The following MLXIP variants were observed in gnomAD, a reference collection of about 807,000 sequenced individuals.
MLXIP encodes MLX interacting protein, also known as MLX-interacting protein.
Under a neutral mutation model 87.2 loss-of-function variants are expected in MLXIP, and 30 were observed. The ratio of observed to expected loss-of-function variants is 0.34; its 90% confidence interval spans 0.26 to 0.47. MLXIP has a LOEUF of 0.47. Among genes scored for constraint, MLXIP ranks in the 20% least tolerant of loss-of-function variants. The pLI is 1.00. For synonymous variants in MLXIP, 530 were observed against 514.0 expected (o/e 1.03, Z -0.42); for missense variants, 1,002 against 1,240.1 (o/e 0.81, Z 2.88).
chr12:122,130,039 G>A lies in MLXIP; in HGVS notation c.837G>A (p.Ser279=), dbSNP rs766906413. The A allele has an allele frequency of 8.1e-6, 13 of 1,613,960 alleles. No individual in the cohort carries two copies. The highest frequency in any genetic ancestry group is 1.6e-4 in the Middle Eastern group (1 of 6,062). ...DPLLDTDMLM[S]EFSDTLFSTL... ...TGCTGGACACAGACATGCTCATGTC[G>A]GAATTCAGCGACACCCTCTTCTCCA... Residue 279 remains serine (S), a synonymous_variant, in exon 6 of 17, where the codon TCG becomes TCA. Transcript: ENST00000319080.
At position 122,137,434 on chromosome 12, in the gene MLXIP, G is replaced by T; in HGVS notation, c.2033-35G>T. The T allele has an allele frequency of 6.3e-7, 1 of 1,596,776 alleles. No individual in the cohort carries two copies. Among genetic ancestry groups the T allele is most frequent in the Non-Finnish European group, 8.5e-7 (1 of 1,171,174 alleles). On this transcript the variant is annotated intron_variant, in intron 11 of 16. Coordinates refer to ENST00000319080, the MANE Select transcript of MLXIP (RefSeq NM_014938.6). This position sits in a 1 kb window ranked among gnomAD's most constrained non-coding sequence, Gnocchi z 4.1. ...GCCTCCTGGTGGCGTTGAGGGGCCAGGCCTCCGCCCCTCAGAGGAGTCTGT... is the reference window on the plus strand; with the variant it reads ...GCCTCCTGGTGGCGTTGAGGGGCCATGCCTCCGCCCCTCAGAGGAGTCTGT...
At position 122,078,940 on chromosome 12, in the gene MLXIP, C is replaced by A; in HGVS notation, c.87C>A (p.Asp29Glu). The change falls in exon 1 of 17, where the codon GAC becomes GAA. Residue 29 changes from aspartate (D) to glutamate (E), a missense_variant. Asp to Glu is a conservative substitution (Grantham distance 45, BLOSUM62 2). Around this residue, in one of 3 missense-constraint regions of MLXIP, gnomAD observed 129 missense variants for 104.2 expected, o/e 1.24. Transcript: ENST00000319080. ...TGCTCAAGCCCCAGGTGTCCGAGGA[C>A]GACGACGACTCGGACACGGATGAGC... ...QVLLKPQVSE[D>E]DDDSDTDEPS... 8.9e-7 allele frequency: 1 copy of A among 1,120,876 alleles called. No individual in the cohort carries two copies. Among genetic ancestry groups the A allele is most frequent in the South Asian group, 2.7e-5 (1 of 36,840 alleles). The allele number at this position is 1,120,876 out of a possible 1,614,324, so 69.4% of individuals were successfully genotyped here.
At chr12:122,093,629 GT>G (rs1952286713) in intron 1 of MLXIP, among the ~76,000 whole-genome samples, 1 of 144,284 alleles carries the variant, frequency 6.9e-6, no homozygotes, top group Non-Finnish European at 1.5e-5. Context: ...TGGTGTGTGT[GT>G]TGGTGTGTGG....
intron 1 of MLXIP, among the ~76,000 whole-genome samples, chr12:122,084,577 G>A (rs1203463570): frequency 3.3e-5 from 5 of 151,954 alleles, no homozygotes; most frequent in African/African-American, 4.8e-5. Flanking sequence ...ACGGAGTTTC[G>A]CTCTTGTCAC....
chr12:122,131,466 T>A (rs1027593121), intron 7 of MLXIP, among the ~76,000 whole-genome samples: 5 of 147,610 alleles, frequency 3.4e-5, no homozygotes, highest in East Asian at 2.0e-4. Flanking sequence ...TTTTTTTTTT[T>A]AGAGACAGGG....
In MLXIP at chr12:122,136,432, G is replaced by A. The variant is rs960077717; in HGVS notation, c.2032+766G>A. ...GTTCGAGACCAGCCCAGCCAACATGGTGAAACCTTGTCCCTATCAAAAAAT... is the reference window on the plus strand; with the variant it reads ...GTTCGAGACCAGCCCAGCCAACATGATGAAACCTTGTCCCTATCAAAAAAT... On this transcript the variant is annotated intron_variant, in intron 11 of 16. Transcript: ENST00000319080. 2.2e-5 allele frequency: 3 copies of A among 138,662 alleles called. No homozygotes were observed. The East Asian group carries it at 6.2e-4, about 29-fold the overall frequency. The allele number at this position is 138,662 out of a possible 1,614,324, so 8.6% of individuals were successfully genotyped here.
intron 1 of MLXIP, among the ~76,000 whole-genome samples, chr12:122,110,970 A>G (rs1050220757): frequency 4.0e-5 from 6 of 148,560 alleles, no homozygotes; most frequent in South Asian, 2.2e-4. Context: ...CCAGCTACTC[A>G]GGAGGCTGAG....
chr12:122,127,027 A>G (rs994022203), intron 1 of MLXIP, among the ~76,000 whole-genome samples: 2 of 152,048 alleles, frequency 1.3e-5, no homozygotes, highest in Non-Finnish European at 2.9e-5. Context: ...CAAGGCTGCA[A>G]AACCCCCACG....
chr12:122,110,637 G>A (rs1000161959), intron 1 of MLXIP, among the ~76,000 whole-genome samples: 2 of 151,986 alleles, frequency 1.3e-5, no homozygotes, highest in African/African-American at 4.8e-5. Context: ...TGGGCATGGT[G>A]GTGCATGCCT....
Position 122,144,338 on chromosome 12 carries a change from T to C in MLXIP, c.*2526T>C, listed in dbSNP as rs1169085670. ...GGCTCCTGCCTGTGATCCTAGCACT[T>C]TGGGAGGCTGAAGCTGAAGGATCAC... On this transcript the variant is annotated 3_prime_UTR_variant, in exon 17 of 17. Transcript: ENST00000319080. 6.6e-6 allele frequency: 1 copy of C among 151,622 alleles called. No homozygotes were observed. The highest frequency in any genetic ancestry group is 1.5e-5 in the Non-Finnish European group (1 of 67,958). 9.4% of individuals were successfully genotyped at this position (151,622 alleles called of 1,614,324 possible).
At chr12:122,131,466 T>TTTA (rs1201266260) in intron 7 of MLXIP, among the ~76,000 whole-genome samples, 3 of 147,612 alleles carry the variant, frequency 2.0e-5, no homozygotes, top group Admixed American at 6.9e-5. Flanking sequence ...TTTTTTTTTT[T>TTTA]AGAGACAGGG....
Position 122,137,381 on chromosome 12 carries a change from C to A in MLXIP, c.2033-88C>A. 1 of 1,485,748 alleles carries A rather than the reference C, an allele frequency of 6.7e-7. No homozygotes were observed. The allele number at this position is 1,485,748 out of a possible 1,614,324, so 92.0% of individuals were successfully genotyped here. A position where few individuals can be genotyped will look rare whatever the true frequency, so the allele number is the denominator to read the frequency against. On this transcript the variant is annotated intron_variant, in intron 11 of 16. Coordinates refer to ENST00000319080, the MANE Select transcript of MLXIP (RefSeq NM_014938.6). This position sits in a 1 kb window ranked among gnomAD's most constrained non-coding sequence, Gnocchi z 4.1. ...TGCAATACGTGGCTAGCAGCGAGCA[C>A]CTCATAACCCTGCAGAGACCCCAGG...
intron 1 of MLXIP, among the ~76,000 whole-genome samples, chr12:122,104,717 C>A (rs1486810346): frequency 6.6e-6 from 1 of 151,414 alleles, no homozygotes; most frequent in African/African-American, 2.4e-5. Context: ...GTAGCTGGGA[C>A]TATAGGTGCC....
intron 1 of MLXIP, among the ~76,000 whole-genome samples, chr12:122,096,221 G>A (rs1952349956): frequency 6.6e-6 from 1 of 152,110 alleles, no homozygotes; most frequent in Non-Finnish European, 1.5e-5. Context: ...GGGACCACAG[G>A]TGTGCACCGC....
chr12:122,139,205 A>G (rs1953152395), intron 15 of MLXIP, among the ~76,000 whole-genome samples: 1 of 152,144 alleles, frequency 6.6e-6, no homozygotes, highest in Admixed American at 6.5e-5. Context: ...TCCTTAAGAA[A>G]TCAGGACAAT....
intron 1 of MLXIP, among the ~76,000 whole-genome samples, chr12:122,093,508 TTGG>T (rs1315117910): frequency 1.4e-5 from 2 of 139,408 alleles, no homozygotes; most frequent in African/African-American, 2.7e-5. Flanking sequence ...GGTGTCTGTG[TTGG>T]TGTGTGTGGA....
At chr12:122,101,107 G>A (rs533208169) in intron 1 of MLXIP, among the ~76,000 whole-genome samples, 8 of 152,262 alleles carry the variant, frequency 5.3e-5, no homozygotes, top group South Asian at 4.1e-4. Context: ...CTATGTCCCC[G>A]GGCTAACTGA....
At chr12:122,093,929 TGGTGGTGTGTGG>T (rs1952296202) in intron 1 of MLXIP, among the ~76,000 whole-genome samples, 1 of 90,508 alleles carries the variant, frequency 1.1e-5, no homozygotes, top group Non-Finnish European at 2.5e-5. Context: ...GTGTCTGGTG[TGGTGGTGTGTGG>T]GGTGTGTTGG....
intron 1 of MLXIP, among the ~76,000 whole-genome samples, chr12:122,089,530 G>A (rs1200827880): frequency 2.0e-5 from 3 of 152,030 alleles, no homozygotes. Context: ...TCTTTCATCC[G>A]TTTGTAGTCA....
Sources: gnomAD v4.1 joint callset for allele counts (sites outside exome capture counted in the v4.1 genomes callset) on GRCh38, gnomAD v4.1.1 for gene constraint, gnomAD v4.1.1 regional missense constraint, Gnocchi (gnomAD v3.1) non-coding constraint, MANE v1.5 for transcripts, NCBI Gene and HGNC (gene_info 2026-07-23, HGNC 2026-07-21) for gene names.